PENK: variants seen among roughly 807,000 people sequenced by gnomAD.
PENK encodes the protein proenkephalin-A.
PENK carries 25 observed loss-of-function variants against 24.1 expected under a neutral mutation model. That is an observed-to-expected ratio of 1.04 (90% CI 0.76 to 1.45). PENK has a LOEUF of 1.45. PENK is among the 40% of genes most tolerant of loss of function. The pLI is 0.00. For missense variants in PENK, 353 were observed against 337.9 expected (o/e 1.04, Z -0.35); for synonymous variants, 135 against 130.3 (o/e 1.04, Z -0.24).
chr8:56,443,851 T>C, intron 3 of PENK: 3 of 610,872 alleles, frequency 4.9e-6, no homozygotes, highest in South Asian at 4.1e-5. Flanking sequence ...ACTATTTTTA[T>C]TGATGGTTGC....
chr8:56,441,396 TG>T lies in PENK; in HGVS notation c.679del (p.Gln227ArgfsTer8), dbSNP rs1804548794. On this transcript the variant is annotated frameshift_variant, in exon 4 of 4. Coordinates refer to ENST00000451791, the MANE Select transcript of PENK (RefSeq NM_001135690.3). LOFTEE classifies it high-confidence loss of function. Reference protein sequence around the residue: ...VGRPEWWMDYQKRYGGFLKRF... With the variant: ...VGRPEWWMDYXKRYGGFLKRF... ...CTTCAGGAAACCTCCATACCGTTTC[TG>T]GTAGTCCATCCACCACTCTGGGCGA... 1 of 1,614,122 alleles carries T rather than the reference TG, an allele frequency of 6.2e-7. No homozygotes were observed. The highest frequency in any genetic ancestry group is 8.5e-7 in the Non-Finnish European group (1 of 1,179,998).
intron 3 of PENK, chr8:56,445,556 A>G: frequency 1.6e-6 from 1 of 607,324 alleles, no homozygotes. Flanking sequence ...GTTAAAACAA[A>G]CTTGGTTTGT....
At chr8:56,441,979 T>C in intron 3 of PENK, 42 bp from the exon 4 acceptor site, 1 of 1,509,942 alleles carries the variant, frequency 6.6e-7, no homozygotes, top group Non-Finnish European at 9.0e-7. Flanking sequence ...GAAGCTTCTG[T>C]GATTTCATTA....
chr8:56,441,587 T>C lies in PENK; in HGVS notation c.489A>G (p.Thr163=), dbSNP rs776942322. The C allele has an allele frequency of 2.5e-6, 4 of 1,613,316 alleles. No individual in the cohort carries two copies. Among genetic ancestry groups the C allele is most frequent in the East Asian group, 2.2e-5 (1 of 44,860 alleles). Residue 163 remains threonine (T), a synonymous_variant, in exon 4 of 4, where the codon ACA becomes ACG. Transcript: ENST00000451791. ...GGTGGCTACGCTCTCGGTTGTCCCC[T>C]GTTTCCAGAAGCTCTTTTAGCAGGT... ...SSDLLKELLE[T]GDNRERSHHQ...
Position 56,444,857 on chromosome 8 carries a change from C to G in PENK, c.138+959G>C, listed in dbSNP as rs547944069. Among the ~76,000 whole-genome samples the G allele has an allele frequency of 5.3e-5, 8 of 152,236 alleles. No individual in the cohort carries two copies. The South Asian group carries it at 1.7e-3, about 32-fold the overall frequency. On this transcript the variant is annotated intron_variant, in intron 3 of 3. Transcript: ENST00000451791. ...TATTCTCTATGAGCTTTTTAAGTCA[C>G]CATAAAATTTCAACAAATTTCAAAA...
chr8:56,442,099 T>G (rs937231783), intron 3 of PENK, among the ~76,000 whole-genome samples, 162 bp from the exon 4 acceptor site: 2 of 152,166 alleles, frequency 1.3e-5, no homozygotes, highest in African/African-American at 4.8e-5. Flanking sequence ...AGGCTGAGCA[T>G]GCAAATGAAA....
intron 3 of PENK, 97 bp from the exon 4 acceptor site, chr8:56,442,034 A>G (rs1294858908): frequency 1.2e-6 from 1 of 818,824 alleles, no homozygotes; most frequent in Non-Finnish European, 1.9e-6. Flanking sequence ...CTTTGACATC[A>G]TAACTTCCTT....
At chr8:56,446,195 A>G (rs138007627) in intron 2 of PENK, 11,487 of 525,170 alleles carry the variant, frequency 0.022, 272 homozygotes, top group East Asian at 0.064. Context: ...TGCCTGGGGC[A>G]CCCGGCTCTT....
Position 56,445,802 on chromosome 8 carries a change from C to G in PENK, c.138+14G>C. 1.2e-6 allele frequency: 2 copies of G among 1,613,308 alleles called. No homozygotes were observed. The highest frequency in any genetic ancestry group is 1.7e-6 in the Non-Finnish European group (2 of 1,179,856). On this transcript the variant is annotated intron_variant, in intron 3 of 3. Transcript: ENST00000451791. ...CTCACAAGGTGCGCAACACTCGCCG[C>G]GCGCAACACTCACCAGGAAGTTGAT...
At chr8:56,446,020 G>A in intron 2 of PENK, 64 bp from the exon 3 acceptor site, 1 of 1,483,012 alleles carries the variant, frequency 6.7e-7, no homozygotes, top group East Asian at 2.4e-5. Flanking sequence ...CCCTCGGCAG[G>A]ACCCTCGCCG....
At chr8:56,446,057 G>T in intron 2 of PENK, 101 bp from the exon 3 acceptor site, 2 of 1,316,020 alleles carry the variant, frequency 1.5e-6, no homozygotes, top group Non-Finnish European at 2.1e-6. Context: ...GGATCGTCGA[G>T]CAAAAGCCCG....
At chr8:56,445,060 G>A (rs10216363) in intron 3 of PENK, among the ~76,000 whole-genome samples, 2,538 of 152,256 alleles carry the variant, frequency 0.017, 73 homozygotes, top group African/African-American at 0.054. Flanking sequence ...GTAGTGCAGT[G>A]TATCTTTGGA....
chr8:56,445,896 C>A lies in PENK; in HGVS notation c.58G>T (p.Ala20Ser). 1 of 1,612,798 alleles carries A rather than the reference C, an allele frequency of 6.2e-7. No individual in the cohort carries two copies. Among genetic ancestry groups the A allele is most frequent in the South Asian group, 1.1e-5 (1 of 91,024 alleles). ...TGGCTGCATTCGGCCCGCACGGTCG[C>A]CAGGAGCCCGGGGCCGAGCAACAGC... ...WLLLLGPGLL[A>S]TVRAECSQDC... The change falls in exon 3 of 4, where the codon GCG becomes TCG. Residue 20 changes from alanine (A) to serine (S), a missense_variant. Transcript: ENST00000451791.
chr8:56,446,104 C>A, intron 2 of PENK, 148 bp from the exon 3 acceptor site: 1 of 891,118 alleles, frequency 1.1e-6, no homozygotes. Flanking sequence ...CCCTCCCGGC[C>A]GACAGCTTTT....
chr8:56,445,785 GTGC>G (rs1302256646), intron 3 of PENK, 28 bp downstream of exon 3: 1 of 1,613,016 alleles, frequency 6.2e-7, no homozygotes, highest in Admixed American at 1.7e-5. Flanking sequence ...GTCTCACAAG[GTGC>G]GCAACACTCG....
intron 3 of PENK, chr8:56,443,712 C>A (rs1349853175): frequency 2.6e-6 from 1 of 387,796 alleles, no homozygotes; most frequent in Non-Finnish European, 4.6e-6. Context: ...TGCATCCGAG[C>A]CAAAATCCCA....
At chr8:56,442,979 T>G (rs999188410) in intron 3 of PENK, among the ~76,000 whole-genome samples, 4 of 152,036 alleles carry the variant, frequency 2.6e-5, no homozygotes, top group African/African-American at 7.2e-5. Flanking sequence ...ATTTCAGGAG[T>G]TTTTTACAGC....
rs1191439842 is a variant in PENK at position 56,443,990 on chromosome 8, G to A, written c.138+1826C>T. 5 of 702,270 alleles carry A rather than the reference G, an allele frequency of 7.1e-6. No homozygotes were observed. The South Asian group carries it at 7.4e-5, about 10-fold the overall frequency. 43.5% of individuals were successfully genotyped at this position (702,270 alleles called of 1,614,324 possible). A position where few individuals can be genotyped will look rare whatever the true frequency, so the allele number is the denominator to read the frequency against. ...AGCAGTATGGAAAATTCTGGAAAGA[G>A]CAGCCTTCCTCTTCTCCTCCCCCAC... On this transcript the variant is annotated intron_variant, in intron 3 of 3. Coordinates refer to ENST00000451791, the MANE Select transcript of PENK (RefSeq NM_001135690.3).
At chr8:56,442,663 T>A (rs961912912) in intron 3 of PENK, among the ~76,000 whole-genome samples, 1 of 152,040 alleles carries the variant, frequency 6.6e-6, no homozygotes, top group Non-Finnish European at 1.5e-5. Flanking sequence ...AAAATGTCTA[T>A]AATGATGAGA....
Sources: gnomAD v4.1 joint callset for allele counts (sites outside exome capture counted in the v4.1 genomes callset) on GRCh38, gnomAD v4.1.1 for gene constraint, MANE v1.5 for transcripts, NCBI Gene and HGNC (gene_info 2026-07-23, HGNC 2026-07-21) for gene names.